Variants in PCDH17 observed in about 807,000 individuals in gnomAD.
PCDH17 encodes the protein protocadherin 17, also known as protocadherin-17.
Under a neutral mutation model 67.7 loss-of-function variants are expected in PCDH17, and 21 were observed. That is an observed-to-expected ratio of 0.31 (90% CI 0.22 to 0.45). PCDH17 has a LOEUF of 0.45. PCDH17 is among the 20% of genes least tolerant of loss of function. The pLI is 1.00. For missense variants in PCDH17, 1,471 were observed against 1,564.8 expected (o/e 0.94, Z 1.01); for synonymous variants, 701 against 656.7 (o/e 1.07, Z -1.03).
At chr13:57,644,576 T>C (rs1954943031) in intron 1 of PCDH17, among the ~76,000 whole-genome samples, 1 of 151,546 alleles carries the variant, frequency 6.6e-6, no homozygotes. Flanking sequence ...TTAGAGTAAA[T>C]TTTTGCAATT....
chr13:57,678,139 A>C, intron 3 of PCDH17, among the ~76,000 whole-genome samples: 1 of 135,240 alleles, frequency 7.4e-6, no homozygotes, highest in Non-Finnish European at 1.7e-5. Context: ...CTCTCTCTCT[A>C]TCTCCATATA....
intron 1 of PCDH17, among the ~76,000 whole-genome samples, chr13:57,661,876 G>A (rs12584490): frequency 0.059 from 8,996 of 151,892 alleles, 395 homozygotes; most frequent in East Asian, 0.25. Context: ...TGTTGTTGTC[G>A]TTGTTTTTTG....
chr13:57,722,558 A>G (rs1366729910), intron 3 of PCDH17, among the ~76,000 whole-genome samples: 3 of 152,170 alleles, frequency 2.0e-5, no homozygotes, highest in African/African-American at 7.2e-5. Context: ...AGAGTAGGTA[A>G]AGGAAACAAA....
chr13:57,644,524 A>G (rs1954942033), intron 1 of PCDH17, among the ~76,000 whole-genome samples: 1 of 149,728 alleles, frequency 6.7e-6, no homozygotes. Flanking sequence ...GGCTATTTCT[A>G]TTAAAAAAAA....
intron 3 of PCDH17, among the ~76,000 whole-genome samples, chr13:57,711,318 A>T (rs17176972): frequency 0.081 from 12,264 of 151,932 alleles, 701 homozygotes; most frequent in Non-Finnish European, 0.12. Flanking sequence ...AACAAGAAAC[A>T]CAGAGCTAGT....
chr13:57,665,604 G>A (rs1955242880), intron 1 of PCDH17, among the ~76,000 whole-genome samples: 1 of 152,100 alleles, frequency 6.6e-6, no homozygotes, highest in Non-Finnish European at 1.5e-5. Context: ...CACTGAGTCA[G>A]CTGCAAGAAG....
At chr13:57,691,467 CA>C (rs149970976) in intron 3 of PCDH17, among the ~76,000 whole-genome samples, 1 of 150,444 alleles carries the variant, frequency 6.6e-6, no homozygotes, top group African/African-American at 2.4e-5. Flanking sequence ...TGGAGGAGAC[CA>C]AAAAAACATA....
At chr13:57,713,592 A>G (rs1247538330) in intron 3 of PCDH17, among the ~76,000 whole-genome samples, 3 of 151,598 alleles carry the variant, frequency 2.0e-5, no homozygotes, top group Admixed American at 6.6e-5. Flanking sequence ...TTTAGGTCCA[A>G]ATGCCTGTAT....
chr13:57,656,734 T>C (rs1265485112), intron 1 of PCDH17, among the ~76,000 whole-genome samples: 2 of 152,008 alleles, frequency 1.3e-5, no homozygotes, highest in African/African-American at 4.8e-5. Flanking sequence ...AACTTCAAAT[T>C]TACTCCTACA....
At chr13:57,724,464 C>A in intron 3 of PCDH17, 148 bp from the exon 4 acceptor site, 1 of 636,546 alleles carries the variant, frequency 1.6e-6, no homozygotes, top group Non-Finnish European at 2.7e-6. Flanking sequence ...ATGCAACCAT[C>A]CTGAAATGTT....
At chr13:57,675,307 C>A (rs1415237909) in intron 3 of PCDH17, among the ~76,000 whole-genome samples, 1 of 151,854 alleles carries the variant, frequency 6.6e-6, no homozygotes, top group Non-Finnish European at 1.5e-5. Context: ...TTGATTCTTT[C>A]CTTAGTGTTG....
chr13:57,728,483 A>T lies in PCDH17; in HGVS notation c.*3189A>T, dbSNP rs1227155033. 6.6e-6 allele frequency: 1 copy of T among 151,088 alleles called. No homozygotes were observed. The highest frequency in any genetic ancestry group is 1.5e-5 in the Non-Finnish European group (1 of 67,736). The allele number at this position is 151,088 out of a possible 1,614,324, so 9.4% of individuals were successfully genotyped here. ...TCACTTCATGGAAATTTCAGTAAGA[A>T]ACCCAAACTTCTAAAAATTGCTTGC... On this transcript the variant is annotated 3_prime_UTR_variant, in exon 4 of 4. Transcript: ENST00000377918.
chr13:57,644,960 C>G (rs1401892921), intron 1 of PCDH17, among the ~76,000 whole-genome samples: 1 of 151,542 alleles, frequency 6.6e-6, no homozygotes, highest in Non-Finnish European at 1.5e-5. Context: ...AATATCTAAT[C>G]CAGTAGTAGC....
intron 1 of PCDH17, among the ~76,000 whole-genome samples, chr13:57,647,511 G>A (rs541229149): frequency 4.6e-4 from 70 of 151,830 alleles, no homozygotes; most frequent in African/African-American, 1.6e-3. Flanking sequence ...TTTATCACCA[G>A]ATAAATGTTT....
At chr13:57,648,438 C>T (rs1001350511) in intron 1 of PCDH17, among the ~76,000 whole-genome samples, 3 of 151,918 alleles carry the variant, frequency 2.0e-5, no homozygotes, top group Non-Finnish European at 4.4e-5. Context: ...TTTTGGACAA[C>T]AGTTTCAAAG....
chr13:57,688,471 A>G (rs1018090882), intron 3 of PCDH17, among the ~76,000 whole-genome samples: 2 of 152,100 alleles, frequency 1.3e-5, no homozygotes, highest in African/African-American at 4.8e-5. Context: ...TTAGAAAAAA[A>G]GCAAGATTAA....
At chr13:57,630,209 A>C (rs1185885404), upstream of PCDH17, among the ~76,000 whole-genome samples, 2 of 152,142 alleles carry the variant, frequency 1.3e-5, no homozygotes, top group African/African-American at 4.8e-5. Context: ...TGTTGAATTG[A>C]ATTTTCACCT....
intron 3 of PCDH17, among the ~76,000 whole-genome samples, chr13:57,713,760 C>G (rs989049235): frequency 1.3e-5 from 2 of 151,454 alleles, no homozygotes; most frequent in African/African-American, 4.8e-5. Context: ...TGCATGAACA[C>G]ATTGAGGGTA....
chr13:57,710,933 T>G (rs531446203), intron 3 of PCDH17, among the ~76,000 whole-genome samples: 2 of 151,844 alleles, frequency 1.3e-5, no homozygotes, highest in Admixed American at 1.3e-4. Context: ...GATTTGGGGG[T>G]AAAAAGGTGA....
Sources: gnomAD v4.1 joint callset for allele counts (sites outside exome capture counted in the v4.1 genomes callset) on GRCh38, gnomAD v4.1.1 for gene constraint, MANE v1.5 for transcripts, NCBI Gene and HGNC (gene_info 2026-07-23, HGNC 2026-07-21) for gene names.